The following GALNT17 variants were observed in gnomAD, a reference collection of about 807,000 sequenced individuals.
GALNT17 encodes polypeptide N-acetylgalactosaminyltransferase 17, also known as UDP-GalNAc:polypeptide N-acetylgalactosaminyltransferase-like 3.
In GALNT17, 29 loss-of-function variants were observed where a neutral mutation model predicts 63.7. The ratio of observed to expected loss-of-function variants is 0.46; its 90% CI spans 0.34 to 0.62. GALNT17 has a LOEUF of 0.62. GALNT17 is among the 20% of genes least tolerant of loss of function. The pLI is 0.01. For missense variants in GALNT17, 603 were observed against 799.6 expected (o/e 0.75, Z 2.97); for synonymous variants, 305 against 318.3 (o/e 0.96, Z 0.45).
chr7:71,572,272 CA>C (rs1411357810), intron 6 of GALNT17, among the ~76,000 whole-genome samples: 8 of 147,710 alleles, frequency 5.4e-5, no homozygotes, highest in African/African-American at 1.7e-4. Context: ...GAAACCAAAT[CA>C]GGGGGGTCAC....
intron 3 of GALNT17, among the ~76,000 whole-genome samples, chr7:71,391,662 T>G (rs1793054084): frequency 6.6e-6 from 1 of 152,012 alleles, no homozygotes; most frequent in Admixed American, 6.6e-5. Context: ...TATATATATA[T>G]TTTTTGTAGA....
At chr7:71,181,190 G>T (rs538928052) in intron 1 of GALNT17, among the ~76,000 whole-genome samples, 1 of 150,156 alleles carries the variant, frequency 6.7e-6, no homozygotes, top group Admixed American at 6.6e-5. Flanking sequence ...AGGAGGCATA[G>T]GTTACAGTGA....
At chr7:71,457,413 C>G (rs1265326018) in intron 5 of GALNT17, among the ~76,000 whole-genome samples, 1 of 152,110 alleles carries the variant, frequency 6.6e-6, no homozygotes, top group Non-Finnish European at 1.5e-5. Flanking sequence ...AGAGAGAGTT[C>G]TTGGATCTTG....
chr7:71,691,031 T>C (rs1193192955), intron 9 of GALNT17, among the ~76,000 whole-genome samples: 2 of 152,336 alleles, frequency 1.3e-5, no homozygotes, highest in Non-Finnish European at 2.9e-5. Flanking sequence ...GGCTCCAATT[T>C]TGAAAGAAAT....
intron 1 of GALNT17, among the ~76,000 whole-genome samples, chr7:71,165,758 G>C (rs1788429035): frequency 6.6e-6 from 1 of 152,164 alleles, no homozygotes. Flanking sequence ...TGACGTTAAT[G>C]TTGAAATTAA....
intron 1 of GALNT17, among the ~76,000 whole-genome samples, chr7:71,235,655 G>A (rs915687279): frequency 1.3e-5 from 2 of 152,156 alleles, no homozygotes; most frequent in African/African-American, 2.4e-5. Flanking sequence ...TCCCAGCACC[G>A]CATTCAGGCT....
chr7:71,664,432 A>G (rs1049274500), intron 6 of GALNT17, among the ~76,000 whole-genome samples: 47 of 152,272 alleles, frequency 3.1e-4, no homozygotes, highest in African/African-American at 1.1e-3. Context: ...CAACATAGCG[A>G]GACCTCATCT....
Position 71,250,868 on chromosome 7 carries a change from A to C in GALNT17, c.239-84682A>C, listed in dbSNP as rs1371045945. Among the ~76,000 whole-genome samples, 7 of 152,202 alleles carry C rather than the reference A, an allele frequency of 4.6e-5. No individual in the cohort carries two copies. The East Asian group carries it at 1.3e-3, about 29-fold the overall frequency. On this transcript the variant is annotated intron_variant, in intron 1 of 10. Coordinates refer to ENST00000333538, the MANE Select transcript of GALNT17 (RefSeq NM_022479.3). ...CGCCTTTCTTAAGTTTCTGTCTTCA[A>C]GTTGTCACCAGTGTTTTCAATACAT... is the stretch of plus-strand genomic sequence containing the variant.
chr7:71,513,607 A>G (rs1350424637), intron 5 of GALNT17, among the ~76,000 whole-genome samples: 1 of 151,944 alleles, frequency 6.6e-6, no homozygotes, highest in African/African-American at 2.4e-5. Flanking sequence ...GCTCGTCTCT[A>G]ACTCCTGGCC....
At chr7:71,148,859 T>TA (rs1342415748) in intron 1 of GALNT17, among the ~76,000 whole-genome samples, 9,049 of 91,888 alleles carry the variant, frequency 0.098, 467 homozygotes, top group African/African-American at 0.14. Flanking sequence ...TTATGGTATT[T>TA]TTATATATAT....
At chr7:71,266,527 T>G (rs1426514981) in intron 1 of GALNT17, among the ~76,000 whole-genome samples, 1 of 152,228 alleles carries the variant, frequency 6.6e-6, no homozygotes, top group African/African-American at 2.4e-5. Flanking sequence ...ATGCTTTCTG[T>G]TAAGCCTGCA....
At chr7:71,159,169 G>T (rs1371027152) in intron 1 of GALNT17, among the ~76,000 whole-genome samples, 1 of 151,574 alleles carries the variant, frequency 6.6e-6, no homozygotes, top group African/African-American at 2.4e-5. Context: ...CCTCATGTCT[G>T]GCCTAGCACT....
intron 1 of GALNT17, among the ~76,000 whole-genome samples, chr7:71,261,094 A>G (rs1790377219): frequency 6.6e-6 from 1 of 152,210 alleles, no homozygotes; most frequent in African/African-American, 2.4e-5. Context: ...AGAAGTCCCC[A>G]TGCTCAGGCT....
At chr7:71,655,072 C>A (rs547781795) in intron 6 of GALNT17, among the ~76,000 whole-genome samples, 1 of 152,062 alleles carries the variant, frequency 6.6e-6, no homozygotes, top group Non-Finnish European at 1.5e-5. Flanking sequence ...GAATTACAGG[C>A]GTGAGACACC....
rs189100480 is a variant in GALNT17, at chr7:71,234,302, C to G, written c.239-101248C>G. 6.5e-4 allele frequency among the ~76,000 whole-genome samples: 99 copies of G among 152,272 alleles called. 1 individual carries two copies. The highest frequency in any genetic ancestry group is 2.3e-3 in the African/African-American group (97 of 41,554). On this transcript the variant is annotated intron_variant, in intron 1 of 10. Transcript: ENST00000333538. ...TTTGAGTCAGAGTCTCACTCTGTCG[C>G]CCAGGCTGGAGTGCAGTGGCGCAAT...
intron 1 of GALNT17, among the ~76,000 whole-genome samples, chr7:71,237,883 G>A (rs191516740): frequency 4.1e-4 from 62 of 152,284 alleles, no homozygotes; most frequent in African/African-American, 1.5e-3. Flanking sequence ...TGGTGGACTA[G>A]ATCTTTGTGT....
chr7:71,306,285 AT>A (rs60898966), intron 1 of GALNT17, among the ~76,000 whole-genome samples: 103,056 of 152,006 alleles, frequency 0.68, 35,160 homozygotes, highest in Middle Eastern at 0.73. Context: ...CATCTTAACA[AT>A]TTATATGTGC....
At chr7:71,631,409 G>A (rs2116989362) in intron 6 of GALNT17, among the ~76,000 whole-genome samples, 1 of 151,766 alleles carries the variant, frequency 6.6e-6, no homozygotes. Flanking sequence ...AGGCTGGTCT[G>A]GAATTCCTGG....
intron 6 of GALNT17, among the ~76,000 whole-genome samples, chr7:71,615,377 A>G (rs960867354): frequency 1.3e-4 from 20 of 151,318 alleles, no homozygotes; most frequent in Admixed American, 1.3e-3. Flanking sequence ...TGATACTGAG[A>G]TCATGGGCCC....
Sources: gnomAD v4.1 joint callset for allele counts (sites outside exome capture counted in the v4.1 genomes callset) on GRCh38, gnomAD v4.1.1 for gene constraint, MANE v1.5 for transcripts, NCBI Gene and HGNC (gene_info 2026-07-23, HGNC 2026-07-21) for gene names.